Variants in SUGP1 observed in about 807,000 individuals in gnomAD.
SUGP1 encodes the protein SURP and G-patch domain containing 1.
In SUGP1, 34 loss-of-function variants were observed where a neutral mutation model predicts 76.5. The ratio of observed to expected loss-of-function variants is 0.44; its 90% confidence interval spans 0.34 to 0.59. The LOEUF (loss-of-function observed/expected upper bound fraction) is 0.59. Among genes scored for constraint, SUGP1 ranks in the 20% least tolerant of loss-of-function variants. SUGP1 has a pLI of 0.01. For synonymous variants in SUGP1, 326 were observed against 326.2 expected (o/e 1.00, Z 0.01); for missense variants, 752 against 851.7 (o/e 0.88, Z 1.46).
At chr19:19,317,006 C>A (rs2061399088) in intron 1 of SUGP1, among the ~76,000 whole-genome samples, 1 of 151,958 alleles carries the variant, frequency 6.6e-6, no homozygotes, top group Non-Finnish European at 1.5e-5. Flanking sequence ...GGTATGGTGG[C>A]ATGTGCCTGT....
At position 19,297,312 on chromosome 19, in the gene SUGP1, T is replaced by A; in HGVS notation, c.920A>T (p.Lys307Met). 1 of 1,528,896 alleles carries A rather than the reference T, an allele frequency of 6.5e-7. No individual in the cohort carries two copies. The highest frequency in any genetic ancestry group is 1.3e-5 in the South Asian group (1 of 79,354). The allele number at this position is 1,528,896 out of a possible 1,614,324, so 94.7% of individuals were successfully genotyped here. The change falls in exon 8 of 14, where the codon AAG becomes ATG. Residue 307 changes from lysine (K) to methionine (M), a missense_variant. Coordinates refer to ENST00000247001, the MANE Select transcript of SUGP1 (RefSeq NM_172231.4). Reference sequence around the variant, plus strand: ...CTCCTCCAGCTTCTGTCGGTAGTACTTGTACCCTTGGCTATTGGGCTCATA... The same window carrying A: ...CTCCTCCAGCTTCTGTCGGTAGTACATGTACCCTTGGCTATTGGGCTCATA... ...FLYEPNSQGY[K>M]YYRQKLEEFR...
intron 8 of SUGP1, chr19:19,280,574 C>T (rs2061090688): frequency 5.0e-6 from 2 of 398,396 alleles, no homozygotes; most frequent in Admixed American, 3.8e-5. Context: ...CCGGGACTCA[C>T]TCAGGGTCAC....
chr19:19,283,580 G>A (rs191088132), intron 8 of SUGP1, among the ~76,000 whole-genome samples: 106 of 152,130 alleles, frequency 7.0e-4, no homozygotes, highest in Non-Finnish European at 1.2e-3. Context: ...TCAGCCTCCC[G>A]AGTAGCCGGG....
At chr19:19,305,826 G>A (rs781120883) in intron 4 of SUGP1, 23 bp downstream of exon 4, 3 of 1,578,368 alleles carry the variant, frequency 1.9e-6, no homozygotes, top group Admixed American at 1.7e-5. Context: ...GGTGGTGGGG[G>A]AGCAGCAGCT....
intron 7 of SUGP1, among the ~76,000 whole-genome samples, chr19:19,298,599 G>T (rs1013035325): frequency 6.6e-6 from 1 of 152,134 alleles, no homozygotes; most frequent in Non-Finnish European, 1.5e-5. Context: ...ACCTCAAGAG[G>T]GTGGGACAGA....
chr19:19,301,176 CG>C (rs531268112), intron 7 of SUGP1, among the ~76,000 whole-genome samples: 40 of 152,124 alleles, frequency 2.6e-4, no homozygotes, highest in Middle Eastern at 3.4e-3. Context: ...GGACACCTGT[CG>C]GGGGGGCCTC....
At position 19,278,680 on chromosome 19, in the gene SUGP1, CCT is replaced by C; in HGVS notation, c.1635+8_1635+9del. On this transcript the variant is annotated splice_region_variant and intron_variant, in intron 11 of 13. Coordinates refer to ENST00000247001, the MANE Select transcript of SUGP1 (RefSeq NM_172231.4). Reference sequence around the variant, plus strand: ...GGCAGAGGCTGGAGCTAGGGCCCCTCCTGGCTCACCTTCAGGGCCTTGAAGGT... The same window carrying C: ...GGCAGAGGCTGGAGCTAGGGCCCCTCGGCTCACCTTCAGGGCCTTGAAGGT... 4 of 1,606,710 alleles carry C rather than the reference CCT, an allele frequency of 2.5e-6. No individual in the cohort carries two copies. Among genetic ancestry groups the C allele is most frequent in the Non-Finnish European group, 3.4e-6 (4 of 1,176,710 alleles).
intron 8 of SUGP1, 64 bp from the exon 9 acceptor site, chr19:19,280,355 T>C: frequency 4.9e-6 from 7 of 1,431,568 alleles, no homozygotes; most frequent in Non-Finnish European, 6.9e-6. Flanking sequence ...GCTCCTGCGC[T>C]GGGGTGTGCT....
At chr19:19,314,299 TGTGACAGAG>T (rs2061376205) in intron 2 of SUGP1, among the ~76,000 whole-genome samples, 1 of 151,828 alleles carries the variant, frequency 6.6e-6, no homozygotes, top group Admixed American at 6.6e-5. Context: ...CTCCAGCCTG[TGTGACAGAG>T]CAAGACTCGT....
chr19:19,294,191 GA>G (rs896414695), intron 8 of SUGP1, among the ~76,000 whole-genome samples: 64 of 129,040 alleles, frequency 5.0e-4, no homozygotes, highest in Middle Eastern at 4.7e-3. Flanking sequence ...TGTCTCAAAA[GA>G]AAAAAAAAAA....
intron 7 of SUGP1, among the ~76,000 whole-genome samples, chr19:19,299,969 G>T (rs555380054): frequency 9.2e-5 from 14 of 151,808 alleles, no homozygotes; most frequent in Non-Finnish European, 1.9e-4. Flanking sequence ...GTAGAGACGG[G>T]GTTTCTCCAC....
At chr19:19,316,203 CTGA>C in intron 2 of SUGP1, 1 of 586,100 alleles carries the variant, frequency 1.7e-6, no homozygotes. Context: ...TAAATAACTG[CTGA>C]GTGGATGAGT....
intron 2 of SUGP1, among the ~76,000 whole-genome samples, chr19:19,314,015 G>A (rs1401645484): frequency 6.6e-6 from 1 of 152,052 alleles, no homozygotes; most frequent in Non-Finnish European, 1.5e-5. Context: ...GTGGGTTCCT[G>A]TAATCCCAGC....
At chr19:19,306,603 CT>C (rs1169197762) in intron 3 of SUGP1, among the ~76,000 whole-genome samples, 1 of 152,234 alleles carries the variant, frequency 6.6e-6, no homozygotes, top group Non-Finnish European at 1.5e-5. Flanking sequence ...CGAAGACCAG[CT>C]GTCTCACCAG....
Position 19,299,555 on chromosome 19 carries a change from G to GT in SUGP1, c.888-2212dup, listed in dbSNP as rs2061255348. Among the ~76,000 whole-genome samples the GT allele has an allele frequency of 2.7e-5, 3 of 111,216 alleles. No individual in the cohort carries two copies. In the East Asian group the frequency reaches 7.6e-4, roughly 28 times the overall value. The allele number at this position is 111,216 out of a possible 152,430, so 73.0% of individuals were successfully genotyped here. ...ACCCGGCTAATTTTTTTTTTTTTTT[G>GT]TATTTTTTAGTAGAGACGGGGTTTC... On this transcript the variant is annotated intron_variant, in intron 7 of 13. Coordinates refer to ENST00000247001, the MANE Select transcript of SUGP1 (RefSeq NM_172231.4).
Position 19,303,456 on chromosome 19 carries a change from G to A in SUGP1, c.663-8C>T, listed in dbSNP as rs1195924456. The A allele has an allele frequency of 1.2e-6, 2 of 1,610,858 alleles. No homozygotes were observed. Among genetic ancestry groups the A allele is most frequent in the Non-Finnish European group, 8.5e-7 (1 of 1,177,034 alleles). On this transcript the variant is annotated splice_region_variant and splice_polypyrimidine_tract_variant and intron_variant, in intron 5 of 13. Transcript: ENST00000247001. ...TTCTTATCGTGCAAAAATCTGGAGA[G>A]GAGGAAGTTTGCAGAAGAGAGGGGA...
rs1040054128 is a variant in SUGP1 at position 19,316,263 on chromosome 19, G to T, written c.206+159C>A. ...TCCACATACCCCTCATTTCTCTCTT[G>T]CCACAGTGAGCCTCCCAAGGGCATC... On this transcript the variant is annotated intron_variant, in intron 2 of 13. Coordinates refer to ENST00000247001, the MANE Select transcript of SUGP1 (RefSeq NM_172231.4). 3.4e-6 allele frequency: 3 copies of T among 880,272 alleles called. No individual in the cohort carries two copies. The Admixed American group carries it at 8.7e-5, about 26-fold the overall frequency. 54.5% of individuals were successfully genotyped at this position (880,272 alleles called of 1,614,324 possible).
intron 7 of SUGP1, among the ~76,000 whole-genome samples, chr19:19,300,056 G>A (rs1405819535): frequency 2.0e-5 from 3 of 151,690 alleles, no homozygotes; most frequent in Non-Finnish European, 4.4e-5. Context: ...GGGATTACAG[G>A]TGTGAGCCAC....
chr19:19,296,859 G>T, intron 8 of SUGP1, 130 bp downstream of exon 8: 1 of 805,530 alleles, frequency 1.2e-6, no homozygotes, highest in Non-Finnish European at 1.9e-6. Context: ...TGTACACACA[G>T]TGGAAGATAT....
Sources: allele counts gnomAD v4.1 joint callset (sites outside exome capture counted in the v4.1 genomes callset), GRCh38; gene constraint gnomAD v4.1.1; transcripts MANE v1.5; gene names NCBI Gene and HGNC (gene_info 2026-07-23, HGNC 2026-07-21).